The following AMER3 variants were observed in gnomAD, a reference collection of about 807,000 sequenced individuals.
AMER3 encodes the protein APC membrane recruitment protein 3.
For synonymous variants in AMER3, 541 were observed against 485.5 expected (o/e 1.11, Z -1.50); for missense variants, 1,201 against 1,139.4 (o/e 1.05, Z -0.78).
rs1678826211 is a variant in AMER3, at chr2:130,762,626, C to T, written c.554C>T (p.Pro185Leu). 2 of 1,612,200 alleles carry T rather than the reference C, an allele frequency of 1.2e-6. No individual in the cohort carries two copies. The highest frequency in any genetic ancestry group is 1.7e-6 in the Non-Finnish European group (2 of 1,179,924). ...ASLAAEGKSL[P>L]SPGDPSDPGG... is the part of the protein sequence containing the mutation. ...CTGGCGGCCGAGGGGAAAAGCCTGC[C>T]CTCCCCAGGGGACCCGTCAGACCCT... is the stretch of plus-strand genomic sequence containing the variant. Residue 185 changes from proline (P) to leucine (L), a missense_variant, in exon 2 of 2, where the codon CCC (proline) becomes CTC (leucine). By Grantham distance (98) the Pro-to-Leu change is moderately conservative. Transcript: ENST00000321420.
chr2:130,759,910 G>T (rs942285173), intron 1 of AMER3, among the ~76,000 whole-genome samples: 1 of 152,158 alleles, frequency 6.6e-6, no homozygotes, highest in African/African-American at 2.4e-5. Flanking sequence ...TGGTTAGGTG[G>T]GTGTAACCAA....
rs754027088 is a variant in AMER3, at chr2:130,762,193, C to G, written c.121C>G (p.Pro41Ala). Residue 41 changes from proline (P) to alanine (A), a missense_variant, in exon 2 of 2, where the codon CCA becomes GCA. Physicochemically the swap from Pro to Ala is conservative, Grantham distance 27. Transcript: ENST00000321420. The stretch of plus-strand genomic sequence containing the variant: ...GGGGACAGGCCCCTGGTCAGTCCTT[C>G]CAGGAGGGCAACAGAGGCCCCACAG... Reference protein sequence around the residue: ...REGTGPWSVLPGGQQRPHSEK... With the variant: ...REGTGPWSVLAGGQQRPHSEK... 1.6e-5 allele frequency: 25 copies of G among 1,593,380 alleles called. 1 individual carries two copies. In the African/African-American group the frequency reaches 3.2e-4, roughly 20 times the overall value.
rs952410383 is a variant in AMER3, at chr2:130,763,202, C to T, written c.1130C>T (p.Pro377Leu). ...ACAGGCACCCCCAAGAGCGAGCAGC[C>T]CGAATCCGTGTCCACAAGTGACGAG... ...IDTGTPKSEQ[P>L]ESVSTSDEGY... Residue 377 changes from proline (P) to leucine (L), a missense_variant, in exon 2 of 2, where the codon CCC (proline) becomes CTC (leucine). Transcript: ENST00000321420. The T allele has an allele frequency of 2.5e-6, 4 of 1,613,848 alleles. No homozygotes were observed. The highest frequency in any genetic ancestry group is 3.4e-6 in the Non-Finnish European group (4 of 1,180,024).
intron 1 of AMER3, among the ~76,000 whole-genome samples, chr2:130,760,299 C>A (rs1678738922): frequency 6.6e-6 from 1 of 152,214 alleles, no homozygotes; most frequent in Non-Finnish European, 1.5e-5. Context: ...GTCAGCTTGC[C>A]CCTGCCAGCC....
Position 130,763,897 on chromosome 2 carries a change from T to A in AMER3, c.1825T>A (p.Ser609Thr). The stretch of plus-strand genomic sequence containing the variant: ...TCGAGAGGAAGAGACACGAGGTCAC[T>A]CTGAAGGCTTGTTCTCCTCTATGGA... ...ASREEETRGH[S>T]EGLFSSMESA... Residue 609 changes from serine to threonine, a missense_variant, in exon 2 of 2, where the codon TCT (serine) becomes ACT (threonine). Ser to Thr is a moderately conservative substitution (Grantham distance 58). Coordinates refer to ENST00000321420, the MANE Select transcript of AMER3 (RefSeq NM_152698.3). 6.2e-7 allele frequency: 1 copy of A among 1,613,564 alleles called. No homozygotes were observed.
rs1236788768 is a variant in AMER3, at chr2:130,763,183, AC to A, written c.1116del (p.Lys373ArgfsTer123). On this transcript the variant is annotated frameshift_variant, in exon 2 of 2. Transcript: ENST00000321420. LOFTEE classifies it low-confidence loss of function (END_TRUNC). ...CAAAGCCAGCTCCATCGACACAGGC[AC>A]CCCCAAGAGCGAGCAGCCCGAATCC... ...GSKASSIDTG[T>X]PKSEQPESVS... is the part of the protein sequence containing the mutation. 1 of 1,613,478 alleles carries A rather than the reference AC, an allele frequency of 6.2e-7. No homozygotes were observed. Among genetic ancestry groups the A allele is most frequent in the Admixed American group, 1.7e-5 (1 of 60,002 alleles).
At chr2:130,761,938 C>G (rs1678791124) in intron 1 of AMER3, 116 bp from the exon 2 acceptor site, 3 of 1,013,712 alleles carry the variant, frequency 3.0e-6, no homozygotes, top group South Asian at 1.7e-5. Flanking sequence ...CAAGGAGGAT[C>G]TCCTGGGACA....
chr2:130,764,750 T>C lies in AMER3; in HGVS notation c.*92T>C. 7.5e-7 allele frequency: 1 copy of C among 1,336,898 alleles called. No homozygotes were observed. Among genetic ancestry groups the C allele is most frequent in the Non-Finnish European group, 1.0e-6 (1 of 997,464 alleles). 82.8% of individuals were successfully genotyped at this position (1,336,898 alleles called of 1,614,324 possible). A position where few individuals can be genotyped will look rare whatever the true frequency, so the allele number is the denominator to read the frequency against. The stretch of plus-strand genomic sequence containing the variant: ...AAATCTCTATCTTTTGTCCCTGATG[T>C]GGGGACTGTGTTGGGGGTGGGGGGT... On this transcript the variant is annotated 3_prime_UTR_variant, in exon 2 of 2. Transcript: ENST00000321420.
At chr2:130,757,617 G>A (rs892346219) in intron 1 of AMER3, among the ~76,000 whole-genome samples, 2 of 152,140 alleles carry the variant, frequency 1.3e-5, no homozygotes, top group African/African-American at 2.4e-5. Flanking sequence ...CTTGCTCCTC[G>A]GGGCCTTTCT....
Position 130,764,007 on chromosome 2 carries a change from T to G in AMER3, c.1935T>G (p.Pro645=), listed in dbSNP as rs1306166799. 3 of 1,613,024 alleles carry G rather than the reference T, an allele frequency of 1.9e-6. No individual in the cohort carries two copies. The highest frequency in any genetic ancestry group is 8.5e-7 in the Non-Finnish European group (1 of 1,179,786). ...CCTGGCCCTGCTCCCAGAAGGAGCC[T>G]GGGCCACCAGGGGTCCTGGGGTGTT... ...PSTWPCSQKE[P]GPPGVLGCFR... is the part of the protein sequence containing the mutation. The change falls in exon 2 of 2, where the codon CCT becomes CCG. Residue 645 remains proline (P), a synonymous_variant. Transcript: ENST00000321420.
In AMER3 at chr2:130,763,386, A is replaced by C. The variant is rs200515549; in HGVS notation, c.1314A>C (p.Pro438=). Residue 438 remains proline, a synonymous_variant, in exon 2 of 2, where the codon CCA becomes CCC. Transcript: ENST00000321420. ...DPSEGPLGPS[P]DDDLCVSESL... Reference sequence around the variant, plus strand: ...GCGAGGGTCCTCTTGGCCCCAGCCCAGATGATGACCTGTGCGTGTCTGAGA... The same window carrying C: ...GCGAGGGTCCTCTTGGCCCCAGCCCCGATGATGACCTGTGCGTGTCTGAGA... 5.5e-5 allele frequency: 88 copies of C among 1,613,080 alleles called. No individual in the cohort carries two copies. In the African/African-American group the frequency reaches 1.0e-3, roughly 19 times the overall value.
chr2:130,764,074 G>A lies in AMER3; in HGVS notation c.2002G>A (p.Asp668Asn). 1 of 1,612,216 alleles carries A rather than the reference G, an allele frequency of 6.2e-7. No homozygotes were observed. Among genetic ancestry groups the A allele is most frequent in the Non-Finnish European group, 8.5e-7 (1 of 1,179,438 alleles). Residue 668 changes from aspartate (D) to asparagine (N), a missense_variant, in exon 2 of 2, where the codon GAT becomes AAT. Coordinates refer to ENST00000321420, the MANE Select transcript of AMER3 (RefSeq NM_152698.3). ...GCCAGGTCACGGAGGTGACACTCTG[G>A]ATGCAGAGCCCATGCTGGCAGGCTG... The part of the protein sequence containing the change: ...WRPGHGGDTL[D>N]AEPMLAGCVA...
Position 130,763,975 on chromosome 2 carries a change from C to A in AMER3, c.1903C>A (p.Pro635Thr), listed in dbSNP as rs902355881. The change falls in exon 2 of 2, where the codon CCT becomes ACT. Residue 635 changes from proline (P) to threonine (T), a missense_variant. Coordinates refer to ENST00000321420, the MANE Select transcript of AMER3 (RefSeq NM_152698.3). ...TTCCGGTAAAAATAAGGCCCCAGTT[C>A]CTTCTACCTGGCCCTGCTCCCAGAA... ...DTSGKNKAPVPSTWPCSQKEP... is the reference protein window; with the variant it reads ...DTSGKNKAPVTSTWPCSQKEP... The A allele has an allele frequency of 1.2e-6, 2 of 1,613,588 alleles. No homozygotes were observed. The highest frequency in any genetic ancestry group is 2.7e-5 in the African/African-American group (2 of 74,940).
At position 130,762,762 on chromosome 2, in the gene AMER3, C is replaced by T. The variant is rs1325019478; in HGVS notation, c.690C>T (p.Leu230=). The T allele has an allele frequency of 1.2e-6, 2 of 1,611,506 alleles. No individual in the cohort carries two copies. Among genetic ancestry groups the T allele is most frequent in the Non-Finnish European group, 1.7e-6 (2 of 1,178,640 alleles). The change falls in exon 2 of 2, where the codon CTC becomes CTT. Residue 230 remains leucine, a synonymous_variant. Coordinates refer to ENST00000321420, the MANE Select transcript of AMER3 (RefSeq NM_152698.3). ...SELLADASFG[L]CRALCEDVAS... is the part of the protein sequence containing the mutation. The stretch of plus-strand genomic sequence containing the variant: ...TCCTGGCCGATGCATCCTTTGGTCT[C>T]TGCAGGGCCCTGTGTGAGGACGTGG...
chr2:130,755,613 C>T lies in AMER3; in HGVS notation c.-81C>T, dbSNP rs1325266696. The T allele has an allele frequency of 6.5e-6, 1 of 152,922 alleles. No individual in the cohort carries two copies. Among genetic ancestry groups the T allele is most frequent in the African/African-American group, 2.4e-5 (1 of 41,474 alleles). The allele number at this position is 152,922 out of a possible 1,614,324, so 9.5% of individuals were successfully genotyped here. A position where few individuals can be genotyped will look rare whatever the true frequency, so the allele number is the denominator to read the frequency against. The stretch of plus-strand genomic sequence containing the variant: ...CTCAGTTCTGCGGAGACAGAGTCCC[C>T]ACAGCATTTCTGCTCCTCCCTCAAG... On this transcript the variant is annotated 5_prime_UTR_variant, in exon 1 of 2. Transcript: ENST00000321420.
At position 130,763,142 on chromosome 2, in the gene AMER3, A is replaced by G. The variant is rs1453672236; in HGVS notation, c.1070A>G (p.Asp357Gly). 1.2e-6 allele frequency: 2 copies of G among 1,613,248 alleles called. No individual in the cohort carries two copies. Among genetic ancestry groups the G allele is most frequent in the South Asian group, 2.2e-5 (2 of 91,066 alleles). Residue 357 changes from aspartate (D) to glycine (G), a missense_variant, in exon 2 of 2, where the codon GAC (aspartate) becomes GGC (glycine). By Grantham distance (94) the Asp-to-Gly change is moderately conservative. Transcript: ENST00000321420. ...LAELPLCPCR[D>G]PRSGSKASSI... ...GAGCTGCCCCTCTGCCCCTGCAGGGACCCTCGCAGCGGCTCCAAAGCCAGC... is the reference window on the plus strand; with the variant it reads ...GAGCTGCCCCTCTGCCCCTGCAGGGGCCCTCGCAGCGGCTCCAAAGCCAGC...
Position 130,763,490 on chromosome 2 carries a change from C to T in AMER3, c.1418C>T (p.Ala473Val), listed in dbSNP as rs1288308805. The T allele has an allele frequency of 2.5e-6, 4 of 1,612,348 alleles. No individual in the cohort carries two copies. The South Asian group carries it at 3.3e-5, about 13-fold the overall frequency. Residue 473 changes from alanine to valine, a missense_variant, in exon 2 of 2, where the codon GCA becomes GTA. Coordinates refer to ENST00000321420, the MANE Select transcript of AMER3 (RefSeq NM_152698.3). ...GGGGCCGAGGAGAACTTGGCCCCAG[C>T]ACCAGGCCCTGACCTGCTCAGCCAG... ...RVGAEENLAP[A>V]PGPDLLSQGF...
chr2:130,767,790 C>T lies in AMER3; in HGVS notation c.*3132C>T, dbSNP rs1679025882. ...CAGTTGTCAGCCCCATTTTTCAGAC[C>T]TGGACACGGAGGCACAGGGTGCTGG... is the stretch of plus-strand genomic sequence containing the variant. On this transcript the variant is annotated 3_prime_UTR_variant, in exon 2 of 2. Coordinates refer to ENST00000321420, the MANE Select transcript of AMER3 (RefSeq NM_152698.3). 1 of 167,206 alleles carries T rather than the reference C, an allele frequency of 6.0e-6. No individual in the cohort carries two copies. Among genetic ancestry groups the T allele is most frequent in the South Asian group, 2.1e-4 (1 of 4,832 alleles). The allele number at this position is 167,206 out of a possible 1,614,324, so 10.4% of individuals were successfully genotyped here.
Position 130,766,699 on chromosome 2 carries a change from T to G in AMER3, c.*2041T>G, listed in dbSNP as rs971234608. 10 of 157,486 alleles carry G rather than the reference T, an allele frequency of 6.3e-5. No homozygotes were observed. Among genetic ancestry groups the G allele is most frequent in the African/African-American group, 2.2e-4 (9 of 41,420 alleles). The allele number at this position is 157,486 out of a possible 1,614,324, so 9.8% of individuals were successfully genotyped here. ...TTTTTGTAGAGACGGGTTTTCGCCATGTTGCCTCAGCTAAAATGTCTCAAA... is the reference window on the plus strand; with the variant it reads ...TTTTTGTAGAGACGGGTTTTCGCCAGGTTGCCTCAGCTAAAATGTCTCAAA... On this transcript the variant is annotated 3_prime_UTR_variant, in exon 2 of 2. Transcript: ENST00000321420.
Sources: gnomAD v4.1 joint callset for allele counts (sites outside exome capture counted in the v4.1 genomes callset) on GRCh38, gnomAD v4.1.1 for gene constraint, MANE v1.5 for transcripts, NCBI Gene and HGNC (gene_info 2026-07-23, HGNC 2026-07-21) for gene names.